The following ABTB3 variants were observed in gnomAD, a reference collection of about 807,000 sequenced individuals.
The protein encoded by ABTB3 is ankyrin repeat and BTB domain containing 3, also known as ankyrin repeat- and BTB/POZ domain-containing protein 3.
the ABTB3 span, chr12:107,651,755 G>A: frequency 3.3e-5 from 54 of 1,613,856 alleles, no homozygotes; most frequent in South Asian, 9.9e-5. Context: ...CATCAATACC[G>A]ACAACTGTGT....
chr12:107,459,052 C>T, the ABTB3 span, among the ~76,000 whole-genome samples: 1 of 151,250 alleles, frequency 6.6e-6, no homozygotes, highest in Non-Finnish European at 1.5e-5. Flanking sequence ...TAATAAAAAA[C>T]AATCCAATAA....
chr12:107,627,673 C>A, the ABTB3 span, among the ~76,000 whole-genome samples: 2 of 152,138 alleles, frequency 1.3e-5, no homozygotes, highest in South Asian at 4.2e-4. Flanking sequence ...GGAAGATGGT[C>A]CCAAGTCAGG....
chr12:107,402,162 G>C, the ABTB3 span, among the ~76,000 whole-genome samples: 13 of 152,314 alleles, frequency 8.5e-5, no homozygotes, highest in Middle Eastern at 3.4e-3. Flanking sequence ...ACTCTTAGTA[G>C]TAGTACCAAC....
the ABTB3 span, among the ~76,000 whole-genome samples, chr12:107,353,271 A>G: frequency 3.3e-5 from 5 of 152,210 alleles, no homozygotes; most frequent in Non-Finnish European, 5.9e-5. Flanking sequence ...GGGGAGATAT[A>G]GAACCATATG....
the ABTB3 span, among the ~76,000 whole-genome samples, chr12:107,469,388 C>T: frequency 5.7e-4 from 86 of 152,194 alleles, no homozygotes; most frequent in Non-Finnish European, 8.7e-4. Flanking sequence ...TGGCTCTGCC[C>T]TCTGCTAGGT....
At chr12:107,401,853 GT>G in the ABTB3 span, among the ~76,000 whole-genome samples, 3 of 150,898 alleles carry the variant, frequency 2.0e-5, no homozygotes, top group Non-Finnish European at 4.4e-5. Context: ...AAAATCCTAT[GT>G]GTGTAGAGTT....
At chr12:107,594,963 G>A in the ABTB3 span, among the ~76,000 whole-genome samples, 2 of 152,056 alleles carry the variant, frequency 1.3e-5, no homozygotes, top group South Asian at 4.2e-4. Context: ...TGTATTGCAG[G>A]AAGCTTAACA....
At chr12:107,318,918 C>T in the ABTB3 span, 2 of 1,567,214 alleles carry the variant, frequency 1.3e-6, no homozygotes, top group East Asian at 2.3e-5. Context: ...TCCCAGGCGG[C>T]TGCAGCATGA....
chr12:107,636,461 G>A, the ABTB3 span, among the ~76,000 whole-genome samples: 1 of 152,148 alleles, frequency 6.6e-6, no homozygotes, highest in African/African-American at 2.4e-5. Flanking sequence ...CTGAGTAATA[G>A]AAGACTGAAA....
chr12:107,587,326 CA>C, the ABTB3 span, among the ~76,000 whole-genome samples: 1 of 152,134 alleles, frequency 6.6e-6, no homozygotes, highest in Non-Finnish European at 1.5e-5. Context: ...CTGAGGCGGG[CA>C]GGGGCAGGGG....
chr12:107,629,485 C>T, the ABTB3 span, among the ~76,000 whole-genome samples: 1 of 152,146 alleles, frequency 6.6e-6, no homozygotes, highest in South Asian at 2.1e-4. Flanking sequence ...AGTTCTGAGT[C>T]CAGAGGACCT....
At chr12:107,375,061 G>A in the ABTB3 span, among the ~76,000 whole-genome samples, 1 of 152,100 alleles carries the variant, frequency 6.6e-6, no homozygotes, top group African/African-American at 2.4e-5. Flanking sequence ...GCAGATTCCT[G>A]GACTGAGGAA....
At chr12:107,369,707 GTTTTTTTTTT>G in the ABTB3 span, among the ~76,000 whole-genome samples, 1 of 76,146 alleles carries the variant, frequency 1.3e-5, no homozygotes, top group African/African-American at 6.7e-5. Flanking sequence ...CCCAAACATG[GTTTTTTTTTT>G]TTTTTTTTTT....
the ABTB3 span, among the ~76,000 whole-genome samples, chr12:107,400,993 T>C: frequency 1.3e-5 from 2 of 152,222 alleles, no homozygotes; most frequent in Non-Finnish European, 2.9e-5. Context: ...CCCTACCTCC[T>C]ACCCACATGT....
chr12:107,364,522 C>T, the ABTB3 span, among the ~76,000 whole-genome samples: 1 of 152,040 alleles, frequency 6.6e-6, no homozygotes, highest in Non-Finnish European at 1.5e-5. Flanking sequence ...AACTCCTGAC[C>T]TCAGGTGATC....
chr12:107,581,083 G>T, the ABTB3 span: 5 of 1,544,598 alleles, frequency 3.2e-6, no homozygotes, highest in Non-Finnish European at 4.4e-6. Flanking sequence ...AGGGGGTGGG[G>T]CCAAGCCGGC....
At chr12:107,568,775 G>A in the ABTB3 span, among the ~76,000 whole-genome samples, 1 of 152,094 alleles carries the variant, frequency 6.6e-6, no homozygotes, top group Non-Finnish European at 1.5e-5. Flanking sequence ...ATTATTTTAA[G>A]CTAGAAGAGA....
chr12:107,420,554 G>C, the ABTB3 span, among the ~76,000 whole-genome samples: 1 of 152,104 alleles, frequency 6.6e-6, no homozygotes. Context: ...CCTCCCATCA[G>C]GTCCCTCCCA....
chr12:107,618,452 C>G, the ABTB3 span: 2 of 1,257,450 alleles, frequency 1.6e-6, no homozygotes, highest in African/African-American at 3.0e-5. Context: ...TGAACACGCA[C>G]ATGCGCGCAC....
Sources: gnomAD v4.1 joint callset for allele counts (sites outside exome capture counted in the v4.1 genomes callset) on GRCh38, gnomAD v4.1.1 for gene constraint, MANE v1.5 for transcripts, NCBI Gene and HGNC (gene_info 2026-07-23, HGNC 2026-07-21) for gene names.